Variants in ZNF469 observed in about 807,000 individuals in gnomAD.
ZNF469 encodes the protein zinc finger protein 469.
In ZNF469, 1 loss-of-function variant was observed where a neutral mutation model predicts 1.0. The ratio of observed to expected loss-of-function variants is 1.00; its 90% CI spans 0.35 to 4.73. The LOEUF is 4.73. ZNF469 is among the 30% of genes most tolerant of loss of function. The pLI is 0.16. For missense variants in ZNF469, 6,100 were observed against 5,356.3 expected (o/e 1.14, Z -4.33); for synonymous variants, 2,703 against 2,363.4 (o/e 1.14, Z -4.17).
chr16:88,375,411 G>T, the ZNF469 span, among the ~76,000 whole-genome samples: 1 of 152,220 alleles, frequency 6.6e-6, no homozygotes, highest in Non-Finnish European at 1.5e-5. Context: ...GCAGGCATCT[G>T]GGCCACTTAG....
In ZNF469 at chr16:88,433,489, G is replaced by A. The variant is rs970916190; in HGVS notation, c.6019G>A (p.Val2007Met). 6.4e-7 allele frequency: 1 copy of A among 1,550,400 alleles called. No homozygotes were observed. The highest frequency in any genetic ancestry group is 1.4e-5 in the African/African-American group (1 of 73,180). The change falls in exon 3 of 3, where the codon GTG becomes ATG. Residue 2007 changes from valine to methionine, a missense_variant. Val to Met is a conservative substitution (Grantham distance 21). Coordinates refer to ENST00000565624, the MANE Select transcript of ZNF469 (RefSeq NM_001367624.2). ...TANQLQPENG[V>M]SPGGTDNHAS... ...CAACCAGCTTCAGCCAGAGAACGGG[G>A]TGAGCCCAGGGGGCACGGACAACCA... is the stretch of plus-strand genomic sequence containing the variant.
the ZNF469 span, among the ~76,000 whole-genome samples, chr16:88,353,481 C>A: frequency 6.6e-6 from 1 of 152,348 alleles, no homozygotes; most frequent in African/African-American, 2.4e-5. Flanking sequence ...TGTACAGAGC[C>A]ACCAGCGGCT....
chr16:88,243,878 G>A, the ZNF469 span, among the ~76,000 whole-genome samples: 1 of 133,006 alleles, frequency 7.5e-6, no homozygotes, highest in African/African-American at 2.7e-5. Flanking sequence ...ATGGGTGGAT[G>A]AGTGGACAGG....
At chr16:88,255,213 A>G in the ZNF469 span, among the ~76,000 whole-genome samples, 2 of 152,218 alleles carry the variant, frequency 1.3e-5, no homozygotes, top group South Asian at 4.1e-4. Context: ...CAGGCTGCAT[A>G]TGTTGCAGGG....
chr16:88,221,070 C>G, the ZNF469 span, among the ~76,000 whole-genome samples: 1 of 152,156 alleles, frequency 6.6e-6, no homozygotes, highest in Non-Finnish European at 1.5e-5. Context: ...CCAGTTCAAG[C>G]CAGGCCCTTC....
the ZNF469 span, among the ~76,000 whole-genome samples, chr16:88,116,955 GCACACACACACACA>G: frequency 1.9e-3 from 293 of 151,212 alleles, no homozygotes; most frequent in South Asian, 4.6e-3. Context: ...GTGCATGCGT[GCACACACACACACA>G]CACACACACA....
At chr16:88,249,793 G>A in the ZNF469 span, among the ~76,000 whole-genome samples, 42 of 147,544 alleles carry the variant, frequency 2.8e-4, no homozygotes, top group South Asian at 4.3e-4. Flanking sequence ...GCTGGTCTGG[G>A]CTCAAGTGAT....
the ZNF469 span, among the ~76,000 whole-genome samples, chr16:88,347,485 A>C: frequency 6.6e-6 from 1 of 152,126 alleles, no homozygotes; most frequent in African/African-American, 2.4e-5. Flanking sequence ...AGAGGCCCGG[A>C]GCAGACCCTC....
chr16:88,107,352 C>T, the ZNF469 span, among the ~76,000 whole-genome samples: 2 of 152,252 alleles, frequency 1.3e-5, no homozygotes, highest in East Asian at 1.9e-4. Flanking sequence ...CAAGAACCTT[C>T]TTCACAAGGC....
chr16:88,439,519 T>A lies in ZNF469; in HGVS notation c.*187T>A. On this transcript the variant is annotated 3_prime_UTR_variant, in exon 3 of 3. Coordinates refer to ENST00000565624, the MANE Select transcript of ZNF469 (RefSeq NM_001367624.2). ...AGGGCCCAGGTGGGCAGCATTCCCT[T>A]TCTTGCTGGAAGGCTGGGGGTGAAA... 1 of 671,820 alleles carries A rather than the reference T, an allele frequency of 1.5e-6. No individual in the cohort carries two copies. Among genetic ancestry groups the A allele is most frequent in the South Asian group, 1.9e-5 (1 of 52,468 alleles). 41.6% of individuals were successfully genotyped at this position (671,820 alleles called of 1,614,324 possible).
the ZNF469 span, among the ~76,000 whole-genome samples, chr16:88,193,198 A>ATGG: frequency 4.3e-5 from 1 of 23,476 alleles, no homozygotes; most frequent in African/African-American, 1.6e-4. Context: ...GGTGGTGGTG[A>ATGG]TGGTGGTGGG....
chr16:88,433,740 C>G lies in ZNF469; in HGVS notation c.6270C>G (p.Pro2090=). Residue 2090 remains proline (P), a synonymous_variant, in exon 3 of 3, where the codon CCC becomes CCG. Coordinates refer to ENST00000565624, the MANE Select transcript of ZNF469 (RefSeq NM_001367624.2). ...EGRTPERASS[P]GLNKPLLATG... ...GGACTCCAGAGAGGGCGTCCAGCCC[C>G]GGCCTGAACAAGCCACTGCTGGCCA... is the stretch of plus-strand genomic sequence containing the variant. 1 of 1,548,926 alleles carries G rather than the reference C, an allele frequency of 6.5e-7. No homozygotes were observed. Among genetic ancestry groups the G allele is most frequent in the East Asian group, 2.4e-5 (1 of 40,914 alleles).
chr16:88,318,448 G>A, the ZNF469 span, among the ~76,000 whole-genome samples: 1 of 140,018 alleles, frequency 7.1e-6, no homozygotes, highest in Non-Finnish European at 1.7e-5. Flanking sequence ...CAGGATCAGG[G>A]GAGGAGCTGG....
chr16:88,148,971 G>T, the ZNF469 span, among the ~76,000 whole-genome samples: 1 of 152,164 alleles, frequency 6.6e-6, no homozygotes, highest in African/African-American at 2.4e-5. Flanking sequence ...GACCCTCACT[G>T]CGGGCCACCA....
chr16:88,394,854 C>G lies in ZNF469; in HGVS notation c.-192+11600C>G, dbSNP rs73249814. On this transcript the variant is annotated intron_variant, in intron 1 of 2. Transcript: ENST00000565624. ...CATGTGGTCCTTCTCTCATGGTCCC[C>G]GAGATACCTGGGCCCACCACTGGGC... Among the ~76,000 whole-genome samples, 330 of 152,270 alleles carry G rather than the reference C, an allele frequency of 2.2e-3. 3 individuals carry two copies. Among genetic ancestry groups the G allele is most frequent in the African/African-American group, 7.4e-3 (309 of 41,562 alleles).
the ZNF469 span, among the ~76,000 whole-genome samples, chr16:88,252,837 T>C: frequency 6.6e-6 from 1 of 152,016 alleles, no homozygotes; most frequent in Admixed American, 6.6e-5. Flanking sequence ...ACCCCAGAAA[T>C]TTCTCTCATC....
At chr16:88,147,082 G>T in the ZNF469 span, among the ~76,000 whole-genome samples, 2 of 152,134 alleles carry the variant, frequency 1.3e-5, no homozygotes, top group Non-Finnish European at 2.9e-5. Context: ...ATGTGACTGA[G>T]GTTCCCTTTC....
the ZNF469 span, among the ~76,000 whole-genome samples, chr16:88,243,951 T>TATATATATATAA: frequency 1.2e-4 from 15 of 120,758 alleles, no homozygotes; most frequent in Non-Finnish European, 2.0e-4. Context: ...TATATATATA[T>TATATATATATAA]AAATGTATGT....
Position 88,428,181 on chromosome 16 carries a change from C to T in ZNF469, c.711C>T (p.Pro237=), listed in dbSNP as rs1358964326. The change falls in exon 3 of 3, where the codon CCC becomes CCT. Residue 237 remains proline, a synonymous_variant. Transcript: ENST00000565624. ...CCAGTGGGGCCGACTCCTGGCCTCCCGCTGCTGAGAATAGCTTCCCAGGTG... is the reference window on the plus strand; with the variant it reads ...CCAGTGGGGCCGACTCCTGGCCTCCTGCTGCTGAGAATAGCTTCCCAGGTG... The part of the protein sequence containing the change: ...YQASGADSWP[P]AAENSFPGAN... The T allele has an allele frequency of 1.9e-6, 3 of 1,550,266 alleles. No individual in the cohort carries two copies. Among genetic ancestry groups the T allele is most frequent in the Non-Finnish European group, 2.6e-6 (3 of 1,146,918 alleles).
Sources: allele counts gnomAD v4.1 joint callset (sites outside exome capture counted in the v4.1 genomes callset), GRCh38; gene constraint gnomAD v4.1.1; transcripts MANE v1.5; gene names NCBI Gene and HGNC (gene_info 2026-07-23, HGNC 2026-07-21).